The following GRM8 variants were observed in gnomAD, a reference collection of about 807,000 sequenced individuals.
GRM8 encodes the protein metabotropic glutamate receptor 8.
GRM8 carries 47 observed loss-of-function variants against 87.2 expected under a neutral mutation model. The ratio of observed to expected loss-of-function variants is 0.54; its 90% CI spans 0.43 to 0.69. The LOEUF is 0.69. Ranked by LOEUF, GRM8 falls within the 30% of genes least tolerant of loss-of-function variation. The pLI is 0.00. For missense variants in GRM8, 1,019 were observed against 1,139.2 expected (o/e 0.89, Z 1.52); for synonymous variants, 396 against 404.5 (o/e 0.98, Z 0.25).
chr7:126,918,290 G>A (rs1232619269), intron 3 of GRM8, among the ~76,000 whole-genome samples: 5 of 152,098 alleles, frequency 3.3e-5, no homozygotes, highest in Non-Finnish European at 7.4e-5. Context: ...GCTTGATTCA[G>A]CCAGCCAAAA....
intron 6 of GRM8, among the ~76,000 whole-genome samples, chr7:126,818,785 T>C (rs1381141802): frequency 6.6e-6 from 1 of 152,180 alleles, no homozygotes; most frequent in Non-Finnish European, 1.5e-5. Flanking sequence ...TTATTAAAAC[T>C]TTGACAAGGA....
At chr7:126,947,574 G>GTA (rs1035992710) in intron 3 of GRM8, among the ~76,000 whole-genome samples, 11 of 151,472 alleles carry the variant, frequency 7.3e-5, no homozygotes, top group Non-Finnish European at 7.4e-5. Context: ...ATATGTATGT[G>GTA]TATATATATA....
intron 9 of GRM8, among the ~76,000 whole-genome samples, chr7:126,453,839 A>G (rs1269114034): frequency 6.6e-6 from 1 of 151,770 alleles, no homozygotes; most frequent in Non-Finnish European, 1.5e-5. Flanking sequence ...AAATAAGTAA[A>G]CTGATGTTGC....
intron 8 of GRM8, among the ~76,000 whole-genome samples, chr7:126,552,947 A>C (rs1276894526): frequency 6.6e-6 from 1 of 152,126 alleles, no homozygotes. Context: ...CCATCTGAGA[A>C]AATAAATCAG....
At chr7:126,977,809 A>C (rs556175079) in intron 3 of GRM8, among the ~76,000 whole-genome samples, 1 of 152,340 alleles carries the variant, frequency 6.6e-6, no homozygotes, top group African/African-American at 2.4e-5. Flanking sequence ...CGGACATCAT[A>C]AAATTTGTAG....
At chr7:126,914,837 G>A (rs899098484) in intron 3 of GRM8, among the ~76,000 whole-genome samples, 1 of 152,024 alleles carries the variant, frequency 6.6e-6, no homozygotes, top group African/African-American at 2.4e-5. Context: ...CTGGCTGATG[G>A]GATCAACAGA....
At position 126,438,886 on chromosome 7, in the gene GRM8, G is replaced by A. The variant is rs963690601; in HGVS notation, c.*233C>T. 4.7e-6 allele frequency: 2 copies of A among 421,128 alleles called. No homozygotes were observed. The highest frequency in any genetic ancestry group is 4.1e-5 in the African/African-American group (2 of 49,150). 26.1% of individuals were successfully genotyped at this position (421,128 alleles called of 1,614,324 possible). A position where few individuals can be genotyped will look rare whatever the true frequency, so the allele number is the denominator to read the frequency against. On this transcript the variant is annotated 3_prime_UTR_variant, in exon 11 of 11. Coordinates refer to ENST00000339582, the MANE Select transcript of GRM8 (RefSeq NM_000845.3). ...TTTGTGATTTGTTTTAACTGCTCAT[G>A]AATAAGCAATACTTTAGCTTGACAC...
rs372984561 is a variant in GRM8 at position 126,766,137 on chromosome 7, A to G, written c.1357+3728T>C. ...TAAATGATACACTGGAAGAAGCACAATCTTTTACATATCTTTAAACCATTG... is the reference window on the plus strand; with the variant it reads ...TAAATGATACACTGGAAGAAGCACAGTCTTTTACATATCTTTAAACCATTG... On this transcript the variant is annotated intron_variant, in intron 7 of 10. Coordinates refer to ENST00000339582, the MANE Select transcript of GRM8 (RefSeq NM_000845.3). Among the ~76,000 whole-genome samples, 34 of 152,262 alleles carry G rather than the reference A, an allele frequency of 2.2e-4. 1 individual carries two copies. The highest frequency in any genetic ancestry group is 7.5e-4 in the African/African-American group (31 of 41,570).
intron 10 of GRM8, among the ~76,000 whole-genome samples, chr7:126,441,453 A>G (rs1801458002): frequency 6.6e-6 from 1 of 152,050 alleles, no homozygotes; most frequent in African/African-American, 2.4e-5. Flanking sequence ...ATTCCTTTGT[A>G]TTGTTGAAAG....
intron 9 of GRM8, among the ~76,000 whole-genome samples, chr7:126,452,626 T>C (rs1802750737): frequency 6.6e-6 from 1 of 151,714 alleles, no homozygotes. Context: ...TCCATTCTTT[T>C]TCATAGCAAT....
At chr7:126,825,936 G>A (rs946560011) in intron 6 of GRM8, among the ~76,000 whole-genome samples, 1 of 130,730 alleles carries the variant, frequency 7.6e-6, no homozygotes, top group Non-Finnish European at 1.5e-5. Context: ...TGTTCTCATT[G>A]TTCAATTCCC....
At chr7:126,531,213 A>G (rs1241302222) in intron 9 of GRM8, among the ~76,000 whole-genome samples, 1 of 152,210 alleles carries the variant, frequency 6.6e-6, no homozygotes, top group Non-Finnish European at 1.5e-5. Flanking sequence ...CAACATTTCC[A>G]TGACTAAATA....
At chr7:127,073,019 A>T (rs904268365) in intron 3 of GRM8, among the ~76,000 whole-genome samples, 9 of 151,590 alleles carry the variant, frequency 5.9e-5, no homozygotes, top group African/African-American at 2.2e-4. Flanking sequence ...TACAGGAAAA[A>T]CTCTCAGAGG....
Position 126,648,548 on chromosome 7 carries a change from G to A in GRM8, c.1358-39050C>T, listed in dbSNP as rs549831341. 2.2e-4 allele frequency among the ~76,000 whole-genome samples: 33 copies of A among 152,318 alleles called. 1 individual carries two copies. Among genetic ancestry groups the A allele is most frequent in the Middle Eastern group, 3.4e-3 (1 of 294 alleles). On this transcript the variant is annotated intron_variant, in intron 7 of 10. Coordinates refer to ENST00000339582, the MANE Select transcript of GRM8 (RefSeq NM_000845.3). ...GTGCAGTGTCTGTCACAGCTCTAAA[G>A]AGAAGGGTAAGAACAATAGAACTGT...
At chr7:127,135,819 A>G (rs901394917) in intron 2 of GRM8, among the ~76,000 whole-genome samples, 3 of 152,088 alleles carry the variant, frequency 2.0e-5, no homozygotes, top group African/African-American at 7.2e-5. Flanking sequence ...GAGGTTGTTG[A>G]TTTCTGGCAA....
At chr7:127,121,101 G>A (rs891314394) in intron 2 of GRM8, among the ~76,000 whole-genome samples, 2 of 152,176 alleles carry the variant, frequency 1.3e-5, no homozygotes, top group African/African-American at 2.4e-5. Context: ...ATTTTCCATA[G>A]CATTTATATG....
intron 3 of GRM8, among the ~76,000 whole-genome samples, chr7:127,022,696 A>G (rs915399728): frequency 7.9e-5 from 12 of 152,096 alleles, no homozygotes; most frequent in Non-Finnish European, 1.5e-4. Flanking sequence ...ACTAATCAAA[A>G]AAATCTCATT....
At chr7:126,488,873 C>A (rs1472687934) in intron 9 of GRM8, among the ~76,000 whole-genome samples, 1 of 151,808 alleles carries the variant, frequency 6.6e-6, no homozygotes, top group Admixed American at 6.6e-5. Flanking sequence ...GTGTAGGTCA[C>A]AAATACACAT....
At chr7:127,246,350 T>G (rs1798583090) in intron 1 of GRM8, among the ~76,000 whole-genome samples, 1 of 152,182 alleles carries the variant, frequency 6.6e-6, no homozygotes, top group Non-Finnish European at 1.5e-5. Flanking sequence ...TATTGTATGT[T>G]TTGTGTTTGA....
Sources: allele counts gnomAD v4.1 joint callset (sites outside exome capture counted in the v4.1 genomes callset), GRCh38; gene constraint gnomAD v4.1.1; transcripts MANE v1.5; gene names NCBI Gene and HGNC (gene_info 2026-07-23, HGNC 2026-07-21).